HP1BP3: variants seen among roughly 807,000 people sequenced by gnomAD.
HP1BP3 encodes heterochromatin protein 1-binding protein 3.
Under a neutral mutation model 62.5 loss-of-function variants are expected in HP1BP3, and 12 were observed. The observed-to-expected ratio is 0.19, with a 90% CI of 0.12 to 0.31. The LOEUF (loss-of-function observed/expected upper bound fraction) is 0.31. HP1BP3 is among the 10% of genes least tolerant of loss of function. The pLI is 1.00. For missense variants in HP1BP3, 502 were observed against 651.8 expected, an observed-to-expected ratio of 0.77 and a Z score of 2.50; for synonymous variants, 260 against 237.8, an observed-to-expected ratio of 1.09 and a Z score of -0.86.
chr1:20,757,093 T>C (rs1350623330), intron 9 of HP1BP3, 73 bp downstream of exon 9: 4 of 823,788 alleles, frequency 4.9e-6, no homozygotes, highest in African/African-American at 3.5e-5. Context: ...AATAAATTTT[T>C]ACAGTATAAG....
Position 20,740,508 on chromosome 1 carries a change from G to C in HP1BP3, c.*4289C>G, listed in dbSNP as rs12123092. ...AGGAAAAAAGCCACTGAAGTTAACAGTCTTGTGGAAAAGAACAGAAGAAAG... is the reference window on the plus strand; with the variant it reads ...AGGAAAAAAGCCACTGAAGTTAACACTCTTGTGGAAAAGAACAGAAGAAAG... On this transcript the variant is annotated 3_prime_UTR_variant, in exon 13 of 13. Coordinates refer to ENST00000438032, the MANE Select transcript of HP1BP3 (RefSeq NM_001372052.1). Among the ~76,000 whole-genome samples, 3 of 152,022 alleles carry C rather than the reference G, an allele frequency of 2.0e-5. No individual in the cohort carries two copies. The highest frequency in any genetic ancestry group is 4.4e-5 in the Non-Finnish European group (3 of 67,992).
At chr1:20,783,985 T>G (rs2057698316) in intron 1 of HP1BP3, among the ~76,000 whole-genome samples, 1 of 147,734 alleles carries the variant, frequency 6.8e-6, no homozygotes, top group African/African-American at 2.6e-5. Context: ...CTATGTTTTT[T>G]GTTTGTTTGT....
At chr1:20,745,430 G>A in intron 12 of HP1BP3, 113 bp downstream of exon 12, 1 of 1,281,438 alleles carries the variant, frequency 7.8e-7, no homozygotes, top group South Asian at 1.8e-5. Context: ...AAGAACTTGA[G>A]AAGGATCCTG....
chr1:20,784,476 C>G (rs1177004748), intron 1 of HP1BP3, among the ~76,000 whole-genome samples: 1 of 124,548 alleles, frequency 8.0e-6, no homozygotes, highest in Non-Finnish European at 1.6e-5. Context: ...TGTGTTTTCC[C>G]TTTTTTTTTT....
At chr1:20,765,291 A>G (rs1307075740) in intron 8 of HP1BP3, 86 bp downstream of exon 8, 9 of 794,074 alleles carry the variant, frequency 1.1e-5, no homozygotes, top group South Asian at 3.3e-5. Flanking sequence ...ATCCTTCCTC[A>G]GTATTTAATC....
rs1458144967 is a variant in HP1BP3 at position 20,776,628 on chromosome 1, C to T, written c.319G>A (p.Glu107Lys). The stretch of plus-strand genomic sequence containing the variant: ...TTGGTTTCCTCAGAAGACTTATTTT[C>T]TTCCTTCTCTTCATTCTCAGGTTCC... The part of the protein sequence containing the change: ...KGEPENEEKE[E>K]NKSSEETKKD... Residue 107 changes from glutamate (E) to lysine (K), a missense_variant, in exon 4 of 13, where the codon GAA becomes AAA. Glu to Lys is a moderately conservative substitution (Grantham distance 56). Transcript: ENST00000438032. 2.5e-6 allele frequency: 4 copies of T among 1,613,372 alleles called. No individual in the cohort carries two copies. In the Admixed American group the frequency reaches 5.0e-5, roughly 20 times the overall value.
chr1:20,749,463 T>C (rs1348737322), intron 10 of HP1BP3, among the ~76,000 whole-genome samples: 4 of 151,538 alleles, frequency 2.6e-5, no homozygotes, highest in African/African-American at 9.7e-5. Context: ...GGTTCATGCG[T>C]TTCTCCTGCC....
At chr1:20,747,453 A>T (rs1395196785) in intron 11 of HP1BP3, 91 bp downstream of exon 11, 45 of 822,228 alleles carry the variant, frequency 5.5e-5, no homozygotes, top group Middle Eastern at 2.4e-4. Flanking sequence ...TTTCCAGTTC[A>T]CTAAAACAGT....
Position 20,780,550 on chromosome 1 carries a change from A to G in HP1BP3, c.-100-10T>C. The G allele has an allele frequency of 2.7e-6, 2 of 736,358 alleles. No homozygotes were observed. Among genetic ancestry groups the G allele is most frequent in the Non-Finnish European group, 2.4e-6 (1 of 413,126 alleles). 45.6% of individuals were successfully genotyped at this position (736,358 alleles called of 1,614,324 possible). On this transcript the variant is annotated splice_polypyrimidine_tract_variant and intron_variant, in intron 1 of 12. Coordinates refer to ENST00000438032, the MANE Select transcript of HP1BP3 (RefSeq NM_001372052.1). ...GTGGTGAAGAATCAACCTAAAGCAC[A>G]GAAAAGACCTGGTGTGAAGATTAAC...
intron 3 of HP1BP3, among the ~76,000 whole-genome samples, chr1:20,778,125 T>A (rs1165970171): frequency 6.7e-6 from 1 of 149,870 alleles, no homozygotes; most frequent in Non-Finnish European, 1.5e-5. Context: ...AAGCTAAGAA[T>A]CATTCAGGGG....
intron 1 of HP1BP3, among the ~76,000 whole-genome samples, chr1:20,782,908 G>GAAAAAAAAAAAAAAAAAAAAAAA (rs1056907677): frequency 8.3e-6 from 1 of 119,896 alleles, no homozygotes; most frequent in Non-Finnish European, 1.7e-5. Flanking sequence ...TCAAAAAAAA[G>GAAAAAAAAAAAAAAAAAAAAAAA]AAAAAAAAAA....
intron 8 of HP1BP3, 21 bp downstream of exon 8, chr1:20,765,356 G>A (rs1327169836): frequency 6.5e-7 from 1 of 1,545,256 alleles, no homozygotes; most frequent in African/African-American, 1.4e-5. Flanking sequence ...ATGTTTTAAA[G>A]GCCAGGCCAA....
chr1:20,769,802 G>C (rs895048315), intron 6 of HP1BP3, among the ~76,000 whole-genome samples: 11 of 152,176 alleles, frequency 7.2e-5, no homozygotes, highest in African/African-American at 2.4e-4. Context: ...TTCACTAACA[G>C]ACCTCCAGGC....
intron 8 of HP1BP3, among the ~76,000 whole-genome samples, chr1:20,764,291 T>C (rs1465096685): frequency 6.6e-6 from 1 of 152,088 alleles, no homozygotes; most frequent in East Asian, 1.9e-4. Flanking sequence ...ATTATTTAGT[T>C]ATTAAAGGCT....
chr1:20,775,149 C>T (rs553467225), intron 4 of HP1BP3: 2 of 152,224 alleles, frequency 1.3e-5, no homozygotes, highest in East Asian at 1.9e-4. Flanking sequence ...TCAAGCAGGT[C>T]CTTCAGAAGG....
rs2055602299 is a variant in HP1BP3 at position 20,749,869 on chromosome 1, CCT to C, written c.993_994del (p.Lys334ThrfsTer21). ...GCTTCCACCAAGCAGGGGTTTCTCC[CCT>C]GATTTCTTCAGCTGTTTTCCAAGGA... On this transcript the variant is annotated frameshift_variant, in exon 10 of 13. Coordinates refer to ENST00000438032, the MANE Select transcript of HP1BP3 (RefSeq NM_001372052.1). LOFTEE classifies it high-confidence loss of function. The C allele has an allele frequency of 1.2e-6, 2 of 1,612,798 alleles. No homozygotes were observed. Among genetic ancestry groups the C allele is most frequent in the Non-Finnish European group, 1.7e-6 (2 of 1,179,390 alleles).
At chr1:20,760,970 G>C (rs1395586233) in intron 8 of HP1BP3, among the ~76,000 whole-genome samples, 1 of 152,210 alleles carries the variant, frequency 6.6e-6, no homozygotes, top group African/African-American at 2.4e-5. Context: ...CTCTAATACA[G>C]GTGAGAGATG....
intron 6 of HP1BP3, among the ~76,000 whole-genome samples, chr1:20,768,203 T>G (rs2056878835): frequency 6.6e-6 from 1 of 152,180 alleles, no homozygotes; most frequent in Non-Finnish European, 1.5e-5. Flanking sequence ...TCCCAGCACT[T>G]TGGGAGGCCG....
At chr1:20,745,418 T>A (rs1252579286) in intron 12 of HP1BP3, 125 bp downstream of exon 12, 10 of 1,206,860 alleles carry the variant, frequency 8.3e-6, no homozygotes, top group Non-Finnish European at 9.0e-6. Flanking sequence ...CAAATTTATA[T>A]AAAGAACTTG....
Sources: allele counts gnomAD v4.1 joint callset (sites outside exome capture counted in the v4.1 genomes callset), GRCh38; gene constraint gnomAD v4.1.1; transcripts MANE v1.5; gene names NCBI Gene and HGNC (gene_info 2026-07-23, HGNC 2026-07-21).